The following RMDN2 variants were observed in gnomAD, a reference collection of about 807,000 sequenced individuals.
RMDN2 encodes regulator of microtubule dynamics 2, also known as regulator of microtubule dynamics protein 2.
RMDN2 carries 61 observed loss-of-function variants against 52.8 expected under a neutral mutation model. The observed-to-expected ratio is 1.16, with a 90% CI of 0.94 to 1.43. The LOEUF (loss-of-function observed/expected upper bound fraction) is 1.43, where lower values mean the gene tolerates loss of function less well. Ranked by LOEUF, RMDN2 falls within the 40% of genes most tolerant of loss-of-function variation. RMDN2 has a pLI of 0.00. For synonymous variants in RMDN2, 180 were observed against 153.1 expected (o/e 1.18, Z -1.30); for missense variants, 592 against 475.3 (o/e 1.25, Z -2.28).
intron 7 of RMDN2, among the ~76,000 whole-genome samples, chr2:37,995,361 T>TACTACTACTACA (rs1242657402): frequency 2.0e-5 from 3 of 148,584 alleles, no homozygotes; most frequent in Non-Finnish European, 4.4e-5. Flanking sequence ...CTACTACTAC[T>TACTACTACTACA]ACTACACACA....
intron 3 of RMDN2, 73 bp from the exon 4 acceptor site, chr2:37,975,139 G>T (rs1208666297): frequency 1.2e-6 from 1 of 846,856 alleles, no homozygotes; most frequent in Non-Finnish European, 2.0e-6. Context: ...TTAAAAAGTT[G>T]CAGTAGAAAA....
intron 10 of RMDN2, among the ~76,000 whole-genome samples, chr2:38,009,310 G>C (rs571184885): frequency 6.6e-6 from 1 of 152,262 alleles, no homozygotes; most frequent in African/African-American, 2.4e-5. Flanking sequence ...TTTCCAACTT[G>C]GTTCCATTCT....
chr2:37,991,149 G>T, intron 6 of RMDN2, 71 bp from the exon 7 acceptor site: 2 of 758,248 alleles, frequency 2.6e-6, no homozygotes, highest in Non-Finnish European at 2.2e-6. Flanking sequence ...TGAGTTACTA[G>T]GCTTTGGTGT....
intron 10 of RMDN2, chr2:38,035,899 A>G (rs1166490857): frequency 1.3e-5 from 2 of 152,132 alleles, no homozygotes; most frequent in Non-Finnish European, 2.9e-5. Flanking sequence ...AAACTCTACC[A>G]TGGTACCAAA....
At chr2:37,955,181 T>G (rs1332865315) in intron 2 of RMDN2, among the ~76,000 whole-genome samples, 1 of 152,246 alleles carries the variant, frequency 6.6e-6, no homozygotes, top group Non-Finnish European at 1.5e-5. Flanking sequence ...TTTGGATGCC[T>G]TTATTTCGTC....
chr2:38,003,601 TAGGCAGAC>T (rs1213116956), intron 8 of RMDN2, among the ~76,000 whole-genome samples: 2 of 124,184 alleles, frequency 1.6e-5, no homozygotes, highest in East Asian at 4.4e-4. Context: ...GATAGATAGA[TAGGCAGAC>T]AGACAGACAG....
chr2:37,937,908 C>G (rs899141399), intron 2 of RMDN2, among the ~76,000 whole-genome samples: 3 of 152,188 alleles, frequency 2.0e-5, no homozygotes, highest in Non-Finnish European at 4.4e-5. Context: ...TTGCTCTGGG[C>G]AGAACTTCCA....
In RMDN2 at chr2:37,969,009, A is replaced by G. The variant is rs575879736; in HGVS notation, c.453-5031A>G. On this transcript the variant is annotated intron_variant, in intron 2 of 10. Transcript: ENST00000354545. ...GTTTTAAATAGAAGATCCCTGTTCA[A>G]AGTAGGAAACCAATTTTCCCACAGC... Among the ~76,000 whole-genome samples, 6 of 151,970 alleles carry G rather than the reference A, an allele frequency of 3.9e-5. No homozygotes were observed. The East Asian group carries it at 7.7e-4, about 20-fold the overall frequency.
chr2:37,945,877 G>A (rs968282127), intron 2 of RMDN2, among the ~76,000 whole-genome samples: 1 of 152,162 alleles, frequency 6.6e-6, no homozygotes, highest in African/African-American at 2.4e-5. Flanking sequence ...GAAAGTACAC[G>A]GTGTCAGAAT....
chr2:37,933,669 G>A (rs1356398390), intron 2 of RMDN2, among the ~76,000 whole-genome samples: 2 of 152,278 alleles, frequency 1.3e-5, no homozygotes, highest in African/African-American at 4.8e-5. Flanking sequence ...GCACTTGGCA[G>A]GCTGAGGCAG....
chr2:37,921,848 T>A (rs572599757), upstream of RMDN2, among the ~76,000 whole-genome samples: 4 of 152,334 alleles, frequency 2.6e-5, no homozygotes, highest in African/African-American at 9.6e-5. Flanking sequence ...CTTCATTAGA[T>A]TGTTGGGAAA....
At chr2:37,972,998 C>T (rs1470480) in intron 2 of RMDN2, among the ~76,000 whole-genome samples, 62,369 of 151,950 alleles carry the variant, frequency 0.41, 14,251 homozygotes, top group East Asian at 0.81. Flanking sequence ...TTCTATCTAA[C>T]GGGAGCTGCA....
intron 10 of RMDN2, among the ~76,000 whole-genome samples, chr2:38,013,582 C>G (rs1221219853): frequency 1.3e-5 from 2 of 152,184 alleles, no homozygotes; most frequent in East Asian, 3.8e-4. Flanking sequence ...AAGCATAACT[C>G]TCATTGGTAA....
intron 2 of RMDN2, chr2:37,952,057 C>T (rs1668892099): frequency 6.2e-7 from 1 of 1,613,390 alleles, no homozygotes; most frequent in Non-Finnish European, 8.5e-7. Flanking sequence ...CTCCATAAAG[C>T]TGGATTTTCT....
downstream of RMDN2, among the ~76,000 whole-genome samples, chr2:38,018,600 C>A: frequency 6.6e-6 from 1 of 152,076 alleles, no homozygotes; most frequent in East Asian, 1.9e-4. Flanking sequence ...AGTGCAAGTA[C>A]AAGTCAAAAA....
chr2:38,003,650 A>G (rs1233123198), intron 8 of RMDN2, among the ~76,000 whole-genome samples: 4 of 152,204 alleles, frequency 2.6e-5, no homozygotes, highest in Admixed American at 2.6e-4. Context: ...TGTCCTAGGA[A>G]TATCACCAGT....
At chr2:38,046,649 A>T in intron 10 of RMDN2, among the ~76,000 whole-genome samples, 1 of 152,204 alleles carries the variant, frequency 6.6e-6, no homozygotes, top group East Asian at 1.9e-4. Flanking sequence ...GACTTCTTAT[A>T]TTCAGAAGAA....
chr2:37,988,864 G>C (rs1674388157), intron 5 of RMDN2, among the ~76,000 whole-genome samples: 1 of 152,080 alleles, frequency 6.6e-6, no homozygotes, highest in African/African-American at 2.4e-5. Context: ...GCAACTTAAA[G>C]TCAAATAACT....
chr2:37,991,888 G>A (rs1674851343), intron 7 of RMDN2, among the ~76,000 whole-genome samples: 1 of 152,132 alleles, frequency 6.6e-6, no homozygotes, highest in Admixed American at 6.5e-5. Context: ...TTAGTTTATA[G>A]AAAATTACAG....
Sources: allele counts gnomAD v4.1 joint callset (sites outside exome capture counted in the v4.1 genomes callset), GRCh38; gene constraint gnomAD v4.1.1; transcripts MANE v1.5; gene names NCBI Gene and HGNC (gene_info 2026-07-23, HGNC 2026-07-21).